The following PRKCE variants were observed in gnomAD, a reference collection of about 807,000 sequenced individuals.
PRKCE encodes the protein protein kinase C epsilon type.
PRKCE carries 16 observed loss-of-function variants against 85.4 expected under a neutral mutation model. That is an observed-to-expected ratio of 0.19 (90% CI 0.13 to 0.28). The LOEUF is 0.28. Among genes scored for constraint, PRKCE ranks in the 10% least tolerant of loss-of-function variants. The pLI is 1.00. For missense variants in PRKCE, 573 were observed against 975.2 expected, an observed-to-expected ratio of 0.59 and a Z score of 5.49; for synonymous variants, 388 against 371.5, an observed-to-expected ratio of 1.04 and a Z score of -0.51.
At chr2:46,014,403 T>C (rs1042866493) in intron 10 of PRKCE, among the ~76,000 whole-genome samples, 1 of 152,230 alleles carries the variant, frequency 6.6e-6, no homozygotes, top group African/African-American at 2.4e-5. Flanking sequence ...TCTTATTTTA[T>C]AAAGGTAGGG....
At position 45,772,804 on chromosome 2, in the gene PRKCE, G is replaced by A. The variant is rs200881383; in HGVS notation, c.349-70196G>A. ...ATCTCGGGGAAGAGGAGCAGGGGCT[G>A]AAGAGGACAAGGTGTCCTCCTCCCA... On this transcript the variant is annotated intron_variant, in intron 1 of 14. Coordinates refer to ENST00000306156, the MANE Select transcript of PRKCE (RefSeq NM_005400.3). 3.1e-4 allele frequency among the ~76,000 whole-genome samples: 47 copies of A among 152,286 alleles called. No homozygotes were observed. The East Asian group carries it at 6.2e-3, about 20-fold the overall frequency.
At chr2:45,762,747 G>C (rs1684608118) in intron 1 of PRKCE, among the ~76,000 whole-genome samples, 1 of 152,112 alleles carries the variant, frequency 6.6e-6, no homozygotes, top group Non-Finnish European at 1.5e-5. Flanking sequence ...TAATGCATTT[G>C]CTTATGTAAT....
At chr2:45,944,722 G>A (rs760488167) in intron 2 of PRKCE, among the ~76,000 whole-genome samples, 2 of 127,652 alleles carry the variant, frequency 1.6e-5, no homozygotes, top group Non-Finnish European at 3.1e-5. Flanking sequence ...GGCTAGTCTC[G>A]AAGTCCTGGG....
At chr2:45,734,580 G>A (rs1159906264) in intron 1 of PRKCE, among the ~76,000 whole-genome samples, 1 of 152,194 alleles carries the variant, frequency 6.6e-6, no homozygotes, top group Non-Finnish European at 1.5e-5. Context: ...AACACAAAAG[G>A]AGATGAGGTT....
At chr2:45,866,083 G>C (rs1693584894) in intron 2 of PRKCE, among the ~76,000 whole-genome samples, 2 of 152,008 alleles carry the variant, frequency 1.3e-5, no homozygotes, top group African/African-American at 4.8e-5. Flanking sequence ...ACCTCCCAAA[G>C]TGCTGGGATT....
At chr2:46,165,415 A>C (rs1456403504) in intron 14 of PRKCE, among the ~76,000 whole-genome samples, 2 of 152,220 alleles carry the variant, frequency 1.3e-5, no homozygotes, top group Non-Finnish European at 2.9e-5. Flanking sequence ...AAGGACACAC[A>C]GTGGGGGGCT....
chr2:46,016,689 A>G (rs1706180834), intron 10 of PRKCE, among the ~76,000 whole-genome samples: 1 of 152,096 alleles, frequency 6.6e-6, no homozygotes, highest in Non-Finnish European at 1.5e-5. Context: ...CAGGTGGATC[A>G]CCTGAGGTCA....
At chr2:46,009,528 T>C (rs1574213057) in intron 9 of PRKCE, among the ~76,000 whole-genome samples, 1 of 152,226 alleles carries the variant, frequency 6.6e-6, no homozygotes, top group South Asian at 2.1e-4. Flanking sequence ...CTACTCAGTA[T>C]TGGTAAGTCA....
intron 1 of PRKCE, among the ~76,000 whole-genome samples, chr2:45,706,397 C>G (rs1162919497): frequency 6.6e-6 from 1 of 152,166 alleles, no homozygotes; most frequent in African/African-American, 2.4e-5. Flanking sequence ...TCATTTTCAT[C>G]TTTCCCTTCT....
In PRKCE at chr2:46,001,338, C is replaced by G; in HGVS notation, c.824-66C>G. 6.8e-7 allele frequency: 1 copy of G among 1,477,322 alleles called. No homozygotes were observed. The highest frequency in any genetic ancestry group is 2.3e-5 in the East Asian group (1 of 42,590). 91.5% of individuals were successfully genotyped at this position (1,477,322 alleles called of 1,614,324 possible). On this transcript the variant is annotated intron_variant, in intron 6 of 14. Coordinates refer to ENST00000306156, the MANE Select transcript of PRKCE (RefSeq NM_005400.3). This position sits in a 1 kb window ranked among gnomAD's most constrained non-coding sequence, Gnocchi z 4.4. ...ACTTCATGAACATATAATACAATCT[C>G]AAAGAAAAGAAGCAACATCTTAGGC...
intron 2 of PRKCE, among the ~76,000 whole-genome samples, chr2:45,953,335 A>G (rs761418566): frequency 5.9e-5 from 9 of 152,222 alleles, no homozygotes; most frequent in Non-Finnish European, 1.0e-4. Context: ...TGGTTGTGAC[A>G]TATGTCAGAG....
At chr2:45,700,740 G>T (rs1678565986) in intron 1 of PRKCE, 1 of 152,170 alleles carries the variant, frequency 6.6e-6, no homozygotes, top group Admixed American at 6.5e-5. Context: ...TGGAAGCAGG[G>T]TCTTTGCAGA....
intron 12 of PRKCE, among the ~76,000 whole-genome samples, chr2:46,146,361 G>C (rs564435469): frequency 6.6e-6 from 1 of 152,266 alleles, no homozygotes; most frequent in Non-Finnish European, 1.5e-5. Flanking sequence ...GTTTGAGCAC[G>C]TGCTAGGCAC....
intron 1 of PRKCE, among the ~76,000 whole-genome samples, chr2:45,814,465 CA>C (rs1688880605): frequency 1.3e-5 from 2 of 152,334 alleles, no homozygotes; most frequent in Non-Finnish European, 2.9e-5. Context: ...TCATCCCTGG[CA>C]ACACTGCTGG....
intron 2 of PRKCE, among the ~76,000 whole-genome samples, chr2:45,930,456 C>T (rs148759201): frequency 1.3e-5 from 2 of 152,316 alleles, no homozygotes; most frequent in Non-Finnish European, 2.9e-5. Flanking sequence ...TAAGGCATGT[C>T]TCCAGAATCT....
At chr2:45,949,260 T>G (rs1700448478) in intron 2 of PRKCE, among the ~76,000 whole-genome samples, 2 of 152,370 alleles carry the variant, frequency 1.3e-5, no homozygotes, top group South Asian at 4.1e-4. Flanking sequence ...ACATCCTTAC[T>G]AACCCTTTAA....
chr2:46,102,930 GC>G (rs1671374616), intron 11 of PRKCE, among the ~76,000 whole-genome samples: 1 of 152,198 alleles, frequency 6.6e-6, no homozygotes, highest in South Asian at 2.1e-4. Flanking sequence ...CCTTTTCCAT[GC>G]CCTTTTCCAT....
chr2:45,741,500 T>C (rs995226000), intron 1 of PRKCE, among the ~76,000 whole-genome samples: 1 of 152,156 alleles, frequency 6.6e-6, no homozygotes, highest in African/African-American at 2.4e-5. Flanking sequence ...GAGCCAAGGT[T>C]CTTCTGGGAG....
intron 14 of PRKCE, among the ~76,000 whole-genome samples, chr2:46,162,257 G>A (rs1318645821): frequency 5.3e-5 from 8 of 152,096 alleles, no homozygotes; most frequent in African/African-American, 1.9e-4. Context: ...TTCTGTCCTT[G>A]GGCCTCTTGG....
Sources: allele counts gnomAD v4.1 joint callset (sites outside exome capture counted in the v4.1 genomes callset), GRCh38; gene constraint gnomAD v4.1.1; non-coding constraint Gnocchi (gnomAD v3.1); transcripts MANE v1.5; gene names NCBI Gene and HGNC (gene_info 2026-07-23, HGNC 2026-07-21).